Variants in AP2A2 observed in about 807,000 individuals in gnomAD.
AP2A2 encodes the protein AP-2 complex subunit alpha-2.
Under a neutral mutation model 104.2 loss-of-function variants are expected in AP2A2, and 32 were observed. The ratio of observed to expected loss-of-function variants is 0.31; its 90% CI spans 0.23 to 0.41. The LOEUF (loss-of-function observed/expected upper bound fraction) is 0.41. Ranked by LOEUF, AP2A2 falls within the 10% of genes least tolerant of loss-of-function variation. The pLI, the probability that AP2A2 is intolerant of heterozygous loss-of-function variation, is 1.00. For missense variants in AP2A2, 912 were observed against 1,261.0 expected (o/e 0.72, Z 4.19); for synonymous variants, 539 against 533.3 (o/e 1.01, Z -0.15).
intron 5 of AP2A2, among the ~76,000 whole-genome samples, chr11:977,595 C>T (rs1328238474): frequency 4.0e-5 from 6 of 151,376 alleles, no homozygotes; most frequent in Non-Finnish European, 7.4e-5. Flanking sequence ...GCCTACTCCA[C>T]GGGCCAGGCC....
chr11:939,700 C>T (rs1010391322), intron 1 of AP2A2, among the ~76,000 whole-genome samples: 1 of 152,136 alleles, frequency 6.6e-6, no homozygotes, highest in Non-Finnish European at 1.5e-5. Flanking sequence ...CCTCCTCGGC[C>T]TCCCAAAGTG....
intron 14 of AP2A2, among the ~76,000 whole-genome samples, chr11:995,187 T>A (rs1054112452): frequency 6.6e-6 from 1 of 152,252 alleles, no homozygotes; most frequent in Non-Finnish European, 1.5e-5. Flanking sequence ...CCCAGGCAGC[T>A]GTCCTCACAT....
intron 1 of AP2A2, chr11:933,512 G>C (rs78105371): frequency 2.2e-6 from 1 of 456,140 alleles, no homozygotes; most frequent in Non-Finnish European, 4.4e-6. Flanking sequence ...GTGTAGAAGT[G>C]GGGGCTGAAG....
intron 4 of AP2A2, among the ~76,000 whole-genome samples, chr11:974,426 T>G (rs1475389101): frequency 6.6e-6 from 1 of 152,196 alleles, no homozygotes; most frequent in East Asian, 1.9e-4. Context: ...GGCTCACGCA[T>G]GTAATCCCAG....
At chr11:1,007,926 T>C in intron 17 of AP2A2, 86 bp from the exon 18 acceptor site, 1 of 1,543,298 alleles carries the variant, frequency 6.5e-7, no homozygotes, top group Non-Finnish European at 8.8e-7. Flanking sequence ...TGTGCTCGCC[T>C]CCACGGGTCC....
chr11:945,302 G>GT (rs1564785833), intron 1 of AP2A2, among the ~76,000 whole-genome samples: 2 of 152,108 alleles, frequency 1.3e-5, no homozygotes, highest in South Asian at 2.1e-4. Context: ...GATGTGGGCT[G>GT]TTTAAGTATT....
At chr11:931,026 A>C (rs1248630754) in intron 1 of AP2A2, among the ~76,000 whole-genome samples, 1 of 152,140 alleles carries the variant, frequency 6.6e-6, no homozygotes, top group Non-Finnish European at 1.5e-5. Context: ...TACCATCATC[A>C]CAAAGCTACC....
chr11:974,772 T>C (rs1854963073), intron 4 of AP2A2, among the ~76,000 whole-genome samples: 1 of 143,102 alleles, frequency 7.0e-6, no homozygotes, highest in Non-Finnish European at 1.5e-5. Context: ...AGATCATGAG[T>C]TCAAGAGCTC....
chr11:983,594 A>T (rs747419243), intron 6 of AP2A2, among the ~76,000 whole-genome samples: 3 of 151,726 alleles, frequency 2.0e-5, no homozygotes, highest in Non-Finnish European at 4.4e-5. Context: ...TGTGTTAGCC[A>T]GGATGGTCTC....
Position 1,011,140 on chromosome 11 carries a change from T to G in AP2A2, c.*515T>G, listed in dbSNP as rs201215538. 4 of 559,174 alleles carry G rather than the reference T, an allele frequency of 7.2e-6. No individual in the cohort carries two copies. Among genetic ancestry groups the G allele is most frequent in the Admixed American group, 3.8e-5 (2 of 52,642 alleles). 34.6% of individuals were successfully genotyped at this position (559,174 alleles called of 1,614,324 possible). On this transcript the variant is annotated 3_prime_UTR_variant, in exon 22 of 22. Transcript: ENST00000448903. ...TGCTGCAGTCCCAGCTGGACTGTTT[T>G]CCCAGGCAGGATTTTAATCTAGAAT...
At chr11:944,024 C>T (rs1016077573) in intron 1 of AP2A2, among the ~76,000 whole-genome samples, 3 of 150,886 alleles carry the variant, frequency 2.0e-5, no homozygotes, top group Non-Finnish European at 4.4e-5. Flanking sequence ...AAGAGAGTCC[C>T]GACCGGAGAT....
intron 6 of AP2A2, among the ~76,000 whole-genome samples, chr11:981,975 C>T (rs116941496): frequency 0.019 from 2,933 of 152,392 alleles, 35 homozygotes; most frequent in Non-Finnish European, 0.029. Flanking sequence ...CAGCAGGAGG[C>T]GCGGGCGCGG....
At chr11:997,592 C>T (rs1356126514) in intron 14 of AP2A2, among the ~76,000 whole-genome samples, 1 of 152,180 alleles carries the variant, frequency 6.6e-6, no homozygotes, top group Non-Finnish European at 1.5e-5. Context: ...AAGGGCTTTC[C>T]TACTTTAGAA....
chr11:983,477 G>A (rs1236201219), intron 6 of AP2A2, among the ~76,000 whole-genome samples: 2 of 149,380 alleles, frequency 1.3e-5, no homozygotes, highest in African/African-American at 4.9e-5. Flanking sequence ...CCGCCTCCTG[G>A]GTTCACGCCA....
intron 1 of AP2A2, among the ~76,000 whole-genome samples, chr11:929,055 A>G (rs549105661): frequency 2.0e-5 from 3 of 152,336 alleles, no homozygotes; most frequent in African/African-American, 7.2e-5. Flanking sequence ...TTCTTGGGCA[A>G]TTCAGGCAGA....
intron 10 of AP2A2, among the ~76,000 whole-genome samples, chr11:989,221 GGAGGCT>G (rs1256113716): frequency 1.3e-5 from 2 of 152,126 alleles, no homozygotes; most frequent in Non-Finnish European, 2.9e-5. Flanking sequence ...CAGCTACTCC[GGAGGCT>G]GAGGCAGGAG....
At chr11:987,095 T>TCCCAAGAGTAGGTG in intron 9 of AP2A2, 142 bp downstream of exon 9, 2 of 1,043,114 alleles carry the variant, frequency 1.9e-6, no homozygotes, top group Non-Finnish European at 2.8e-6. Context: ...GCCTGTCACC[T>TCCCAAGAGTAGGTG]ACTCTTGGGA....
chr11:968,430 G>GT lies in AP2A2; in HGVS notation c.137-1737dup, dbSNP rs1378405634. On this transcript the variant is annotated intron_variant, in intron 2 of 21. Coordinates refer to ENST00000448903, the MANE Select transcript of AP2A2 (RefSeq NM_012305.4). This position sits in a 1 kb window ranked among gnomAD's most constrained non-coding sequence, Gnocchi z 4.2. ...AGAGCCTGTCTCCGTCTCCGCCCCTGTTCCCATCCCCGTCTCCATCCCCGT... is the reference window on the plus strand; with the variant it reads ...AGAGCCTGTCTCCGTCTCCGCCCCTGTTTCCCATCCCCGTCTCCATCCCCGT... 6.6e-6 allele frequency among the ~76,000 whole-genome samples: 1 copy of GT among 150,550 alleles called. No individual in the cohort carries two copies. The highest frequency in any genetic ancestry group is 2.4e-5 in the African/African-American group (1 of 41,036).
intron 5 of AP2A2, 102 bp downstream of exon 5, chr11:977,326 G>C: frequency 6.9e-7 from 1 of 1,439,202 alleles, no homozygotes; most frequent in Non-Finnish European, 9.3e-7. Context: ...CCCAGGAGAG[G>C]CTGTCACAGG....
Sources: allele counts gnomAD v4.1 joint callset (sites outside exome capture counted in the v4.1 genomes callset), GRCh38; gene constraint gnomAD v4.1.1; non-coding constraint Gnocchi (gnomAD v3.1); transcripts MANE v1.5; gene names NCBI Gene and HGNC (gene_info 2026-07-23, HGNC 2026-07-21).